NRXN3: variants seen among roughly 807,000 people sequenced by gnomAD.
NRXN3 encodes neurexin 3, also known as neurexin III.
Under a neutral mutation model 137.6 loss-of-function variants are expected in NRXN3, and 32 were observed. That is an observed-to-expected ratio of 0.23 (90% CI 0.18 to 0.31). The LOEUF is 0.31. Ranked by LOEUF, NRXN3 falls within the 10% of genes least tolerant of loss-of-function variation. The pLI, the probability that NRXN3 is intolerant of heterozygous loss-of-function variation, is 1.00. For missense variants in NRXN3, 1,574 were observed against 2,062.5 expected, an observed-to-expected ratio of 0.76 and a Z score of 4.59; for synonymous variants, 798 against 784.5, an observed-to-expected ratio of 1.02 and a Z score of -0.29.
At chr14:79,839,920 T>C (rs2099352278) in intron 20 of NRXN3, among the ~76,000 whole-genome samples, 1 of 152,206 alleles carries the variant, frequency 6.6e-6, no homozygotes, top group South Asian at 2.1e-4. Context: ...ATAGAAAACT[T>C]CTGATGTATC....
chr14:79,171,572 G>A (rs2153095432), intron 15 of NRXN3, among the ~76,000 whole-genome samples: 1 of 152,108 alleles, frequency 6.6e-6, no homozygotes, highest in Non-Finnish European at 1.5e-5. Flanking sequence ...ACTATCCTTT[G>A]GAATGCAGGG....
chr14:79,234,448 A>T (rs1419400730), intron 15 of NRXN3, among the ~76,000 whole-genome samples: 1 of 148,572 alleles, frequency 6.7e-6, no homozygotes, highest in Non-Finnish European at 1.5e-5. Context: ...TAGTGGCATG[A>T]TCTCAGCTTA....
At chr14:79,819,818 G>A (rs2099265781) in intron 20 of NRXN3, among the ~76,000 whole-genome samples, 1 of 151,704 alleles carries the variant, frequency 6.6e-6, no homozygotes, top group Non-Finnish European at 1.5e-5. Context: ...TCCCACCTTT[G>A]TTTTAGATAT....
At chr14:79,183,155 G>A (rs2063133518) in intron 15 of NRXN3, among the ~76,000 whole-genome samples, 1 of 151,820 alleles carries the variant, frequency 6.6e-6, no homozygotes, top group South Asian at 2.1e-4. Flanking sequence ...CTAAACCTTT[G>A]GATTGTATTG....
At chr14:79,046,534 A>C (rs997030552) in intron 15 of NRXN3, among the ~76,000 whole-genome samples, 18 of 152,168 alleles carry the variant, frequency 1.2e-4, no homozygotes, top group Non-Finnish European at 2.4e-4. Context: ...TTTTCTGTCA[A>C]ATCCCTCCCT....
chr14:78,405,443 G>A (rs998200689), intron 4 of NRXN3, among the ~76,000 whole-genome samples: 28 of 151,964 alleles, frequency 1.8e-4, no homozygotes, highest in African/African-American at 4.1e-4. Context: ...TTTCCCTTCC[G>A]ATCCTGCTTA....
intron 15 of NRXN3, among the ~76,000 whole-genome samples, chr14:79,127,215 A>G (rs1385929308): frequency 2.0e-5 from 3 of 152,150 alleles, no homozygotes; most frequent in East Asian, 3.8e-4. Context: ...TTTGGTTGCC[A>G]TTGCTTTTGG....
chr14:79,521,330 A>G (rs955870319), intron 16 of NRXN3, among the ~76,000 whole-genome samples: 3 of 152,034 alleles, frequency 2.0e-5, no homozygotes, highest in African/African-American at 4.8e-5. Flanking sequence ...TCATTTTTAC[A>G]GTTATAATGT....
chr14:78,680,466 G>C (rs1021396674), intron 6 of NRXN3, among the ~76,000 whole-genome samples: 1 of 152,154 alleles, frequency 6.6e-6, no homozygotes, highest in African/African-American at 2.4e-5. Flanking sequence ...ACAGGTTCTT[G>C]AGCAGAAACT....
chr14:78,366,510 C>T (rs1240348463), intron 4 of NRXN3, among the ~76,000 whole-genome samples: 1 of 152,142 alleles, frequency 6.6e-6, no homozygotes, highest in Non-Finnish European at 1.5e-5. Flanking sequence ...GACACAATGA[C>T]TTTTAGCATG....
intron 4 of NRXN3, among the ~76,000 whole-genome samples, chr14:78,617,558 G>C (rs1219082428): frequency 6.6e-6 from 1 of 152,018 alleles, no homozygotes; most frequent in Non-Finnish European, 1.5e-5. Flanking sequence ...ATTCTTGGCT[G>C]GTCAGATTTC....
At chr14:79,529,411 C>T (rs913209551) in intron 16 of NRXN3, among the ~76,000 whole-genome samples, 9 of 152,164 alleles carry the variant, frequency 5.9e-5, no homozygotes, top group East Asian at 1.9e-4. Context: ...TCGGGCCTGG[C>T]GCCGGGCTGC....
In NRXN3 at chr14:78,170,941, ATCT is replaced by A. The variant is rs1464661706; in HGVS notation, c.-704+278_-704+280del. On this transcript the variant is annotated intron_variant, in intron 1 of 20. Coordinates refer to ENST00000335750, the MANE Select transcript of NRXN3 (RefSeq NM_001330195.2). ...AAGTCAGAGAATGTTTTAGATTTTT[ATCT>A]TCTTCTTCTTTTTTTTTTTTTTTTT... Among the ~76,000 whole-genome samples, 942 of 122,946 alleles carry A rather than the reference ATCT, an allele frequency of 7.7e-3. 5 individuals are homozygous for A. The highest frequency in any genetic ancestry group is 0.012 in the Non-Finnish European group (694 of 59,670). The allele number at this position is 122,946 out of a possible 152,430, so 80.7% of individuals were successfully genotyped here. A position where few individuals can be genotyped will look rare whatever the true frequency, so the allele number is the denominator to read the frequency against.
intron 4 of NRXN3, among the ~76,000 whole-genome samples, chr14:78,403,388 G>C (rs765958219): frequency 7.6e-4 from 115 of 152,224 alleles, no homozygotes; most frequent in Non-Finnish European, 1.5e-3. Context: ...GATACCCCTG[G>C]TATTTCCCAG....
At chr14:78,726,371 G>A (rs763798542) in intron 8 of NRXN3, among the ~76,000 whole-genome samples, 17 of 151,966 alleles carry the variant, frequency 1.1e-4, no homozygotes, top group Non-Finnish European at 2.2e-4. Context: ...CCCAGTGTGT[G>A]ATGTTCCCCT....
chr14:78,570,879 G>A (rs1471876434), intron 4 of NRXN3, among the ~76,000 whole-genome samples: 1 of 152,178 alleles, frequency 6.6e-6, no homozygotes, highest in Non-Finnish European at 1.5e-5. Context: ...CCATGACTGA[G>A]GCCCCCAAAG....
intron 19 of NRXN3, among the ~76,000 whole-genome samples, chr14:79,754,977 C>G (rs1233147488): frequency 6.6e-6 from 1 of 152,130 alleles, no homozygotes; most frequent in Non-Finnish European, 1.5e-5. Flanking sequence ...TTCCTGAGGC[C>G]TTCCCAGCCA....
chr14:78,892,774 C>CTGTGTGTGTGTG (rs58718552), intron 10 of NRXN3, among the ~76,000 whole-genome samples: 3,225 of 140,092 alleles, frequency 0.023, 63 homozygotes, highest in East Asian at 0.1. Context: ...CCCCCATCTT[C>CTGTGTGTGTGTG]TGTGTGTGTG....
chr14:79,845,929 GGAGACAGACA>G (rs1221732397), intron 20 of NRXN3, among the ~76,000 whole-genome samples: 1 of 150,906 alleles, frequency 6.6e-6, no homozygotes, highest in African/African-American at 2.4e-5. Flanking sequence ...AGAGAGAGAT[GGAGACAGACA>G]GAGACAGACA....
Sources: allele counts gnomAD v4.1 joint callset (sites outside exome capture counted in the v4.1 genomes callset), GRCh38; gene constraint gnomAD v4.1.1; transcripts MANE v1.5; gene names NCBI Gene and HGNC (gene_info 2026-07-23, HGNC 2026-07-21).